Variants in GSE1 observed in about 807,000 individuals in gnomAD.
GSE1 encodes the protein Gse1 coiled-coil protein.
Under a neutral mutation model 112.6 loss-of-function variants are expected in GSE1, and 32 were observed. That is an observed-to-expected ratio of 0.28 (90% confidence interval 0.21 to 0.38). The LOEUF is 0.38. Among genes scored for constraint, GSE1 ranks in the 10% least tolerant of loss-of-function variants. The pLI, the probability that GSE1 is intolerant of heterozygous loss-of-function variation, is 1.00. For synonymous variants in GSE1, 1,115 were observed against 735.6 expected (o/e 1.52, Z -8.35); for missense variants, 2,348 against 1,699.2 (o/e 1.38, Z -6.71).
At chr16:85,585,030 A>G (rs2151401546) in intron 1 of GSE1, among the ~76,000 whole-genome samples, 1 of 152,326 alleles carries the variant, frequency 6.6e-6, no homozygotes, top group South Asian at 2.1e-4. Flanking sequence ...GGCCAAATCC[A>G]GCGTATGGGG....
At chr16:85,382,957 G>A (rs182297957) in intron 2 of GSE1, among the ~76,000 whole-genome samples, 222 of 148,164 alleles carry the variant, frequency 1.5e-3, no homozygotes, top group Middle Eastern at 0.015. Context: ...ATGCACACAC[G>A]TGCACACACA....
intron 1 of GSE1, among the ~76,000 whole-genome samples, chr16:85,343,187 A>C (rs1236848961): frequency 6.6e-6 from 1 of 152,176 alleles, no homozygotes; most frequent in African/African-American, 2.4e-5. Flanking sequence ...GAAACAAAGC[A>C]TGGGTGCACA....
At chr16:85,438,594 C>T (rs1182008807) in intron 2 of GSE1, among the ~76,000 whole-genome samples, 1 of 152,214 alleles carries the variant, frequency 6.6e-6, no homozygotes, top group African/African-American at 2.4e-5. Context: ...TGCCCATGCT[C>T]TTACAGCTCG....
intron 2 of GSE1, among the ~76,000 whole-genome samples, chr16:85,466,256 GCT>G (rs1171805919): frequency 6.6e-6 from 1 of 152,266 alleles, no homozygotes. Context: ...AGCCAGGAGT[GCT>G]CTCATTGTGC....
intron 2 of GSE1, among the ~76,000 whole-genome samples, chr16:85,643,031 G>A (rs1202218789): frequency 6.6e-6 from 1 of 152,172 alleles, no homozygotes; most frequent in African/African-American, 2.4e-5. Flanking sequence ...GGCGGGGTGG[G>A]CCTGAGCCTG....
At position 85,674,767 on chromosome 16, in the gene GSE1, T is replaced by G. The variant is rs2053589902; in HGVS notation, c.*2228T>G. On this transcript the variant is annotated 3_prime_UTR_variant, in exon 16 of 16. Coordinates refer to ENST00000253458, the MANE Select transcript of GSE1 (RefSeq NM_014615.5). ...GACAGGTGGCACACCATGAGAGGTC[T>G]GCCCAGGGTGGGAGCAGTGTCACTG... 1 of 152,390 alleles carries G rather than the reference T, an allele frequency of 6.6e-6. No individual in the cohort carries two copies. Among genetic ancestry groups the G allele is most frequent in the African/African-American group, 2.4e-5 (1 of 41,454 alleles). The allele number at this position is 152,390 out of a possible 1,614,324, so 9.4% of individuals were successfully genotyped here.
At chr16:85,573,465 C>A (rs2046094882) in intron 1 of GSE1, among the ~76,000 whole-genome samples, 1 of 152,140 alleles carries the variant, frequency 6.6e-6, no homozygotes, top group African/African-American at 2.4e-5. Flanking sequence ...GTTTTCATTT[C>A]TCTTGGGCAT....
intron 2 of GSE1, among the ~76,000 whole-genome samples, chr16:85,485,890 C>T (rs534802228): frequency 1.3e-5 from 2 of 152,220 alleles, no homozygotes; most frequent in Admixed American, 1.3e-4. Context: ...GTTCTTCCCC[C>T]AAACACACAC....
chr16:85,577,874 G>C (rs888551732), intron 1 of GSE1, among the ~76,000 whole-genome samples: 4 of 152,228 alleles, frequency 2.6e-5, no homozygotes, highest in Non-Finnish European at 4.4e-5. Context: ...TCTCAGTTGA[G>C]CTGAGCCTTC....
intron 2 of GSE1, among the ~76,000 whole-genome samples, chr16:85,487,843 G>A (rs1006043570): frequency 2.6e-5 from 4 of 152,296 alleles, no homozygotes; most frequent in East Asian, 1.9e-4. Flanking sequence ...TGCCCTTTCC[G>A]CCTCAGTTGG....
intron 1 of GSE1, among the ~76,000 whole-genome samples, chr16:85,592,035 C>T (rs753167781): frequency 2.6e-5 from 4 of 152,210 alleles, no homozygotes; most frequent in Non-Finnish European, 5.9e-5. Flanking sequence ...GTAGCACCTG[C>T]GGCCAGGGGC....
At chr16:85,657,181 C>T in intron 7 of GSE1, 96 bp from the exon 8 acceptor site, 1 of 840,210 alleles carries the variant, frequency 1.2e-6, no homozygotes, top group Non-Finnish European at 1.8e-6. Flanking sequence ...TTTGGAAGGG[C>T]TCTGGTTTCT....
At chr16:85,317,626 G>A (rs574369926) in intron 1 of GSE1, among the ~76,000 whole-genome samples, 2 of 151,216 alleles carry the variant, frequency 1.3e-5, no homozygotes, top group East Asian at 3.9e-4. Flanking sequence ...CAGTGCCCAC[G>A]GTCAGCACTG....
In GSE1 at chr16:85,520,884, C is replaced by G. The variant is rs1022111644; in HGVS notation, c.2465-113030C>G. ...ACAGGGCAGCGTCCTAAGTACAGGA[C>G]CAAGGACCAAGTGGGCCTGGTCCCG... is the stretch of plus-strand genomic sequence containing the variant. On this transcript the variant is annotated intron_variant, in intron 2 of 2. Transcript: ENST00000637419. 5.9e-5 allele frequency among the ~76,000 whole-genome samples: 9 copies of G among 152,296 alleles called. 1 individual carries two copies. The highest frequency in any genetic ancestry group is 1.3e-4 in the Admixed American group (2 of 15,296).
Position 85,672,862 on chromosome 16 carries a change from CATT to C in GSE1, c.*325_*327del, listed in dbSNP as rs1379284614. 5.3e-6 allele frequency: 1 copy of C among 188,360 alleles called. No homozygotes were observed. Among genetic ancestry groups the C allele is most frequent in the Admixed American group, 5.5e-5 (1 of 18,124 alleles). 11.7% of individuals were successfully genotyped at this position (188,360 alleles called of 1,614,324 possible). A position where few individuals can be genotyped will look rare whatever the true frequency, so the allele number is the denominator to read the frequency against. ...TCCATTAGCAACACTAAAACTTGAT[CATT>C]AACAGCCCCCTGTGCATATGAGTGG... On this transcript the variant is annotated 3_prime_UTR_variant, in exon 16 of 16. Coordinates refer to ENST00000253458, the MANE Select transcript of GSE1 (RefSeq NM_014615.5).
chr16:85,651,533 G>GCCCC (rs2051356324), intron 3 of GSE1, among the ~76,000 whole-genome samples: 1 of 152,180 alleles, frequency 6.6e-6, no homozygotes, highest in African/African-American at 2.4e-5. Context: ...CTGGGGACAG[G>GCCCC]CCCCTCCTTG....
intron 2 of GSE1, among the ~76,000 whole-genome samples, chr16:85,531,278 G>A (rs886327091): frequency 1.4e-4 from 21 of 152,198 alleles, no homozygotes; most frequent in African/African-American, 5.1e-4. Flanking sequence ...CCTGTGTCCT[G>A]TGAGGCCCTA....
intron 1 of GSE1, among the ~76,000 whole-genome samples, chr16:85,326,112 T>C (rs1333089015): frequency 1.3e-5 from 2 of 152,148 alleles, no homozygotes; most frequent in African/African-American, 2.4e-5. Flanking sequence ...CCTGACGGTG[T>C]CTACTTTAAC....
At chr16:85,560,376 G>T (rs1416848898) in intron 1 of GSE1, among the ~76,000 whole-genome samples, 2 of 151,938 alleles carry the variant, frequency 1.3e-5, no homozygotes, top group African/African-American at 4.8e-5. Context: ...ACCTGCCTTG[G>T]CCTCCCAAAG....
Sources: gnomAD v4.1 joint callset for allele counts (sites outside exome capture counted in the v4.1 genomes callset) on GRCh38, gnomAD v4.1.1 for gene constraint, MANE v1.5 for transcripts, NCBI Gene and HGNC (gene_info 2026-07-23, HGNC 2026-07-21) for gene names.